BRCC3: variants seen among roughly 807,000 people sequenced by gnomAD.
BRCC3 encodes lys-63-specific deubiquitinase BRCC36.
In BRCC3, 15 loss-of-function variants were observed where a neutral mutation model predicts 28.0. The ratio of observed to expected loss-of-function variants is 0.54; its 90% CI spans 0.36 to 0.82. The LOEUF (loss-of-function observed/expected upper bound fraction) is 0.82, where lower values mean the gene tolerates loss of function less well. BRCC3 is among the 40% of genes least tolerant of loss of function. The probability of loss-of-function intolerance (pLI) is 0.01; values close to 1 mark genes in which losing one functional copy is unlikely to be tolerated. For synonymous variants in BRCC3, 66 were observed against 80.3 expected, an observed-to-expected ratio of 0.82 and a Z score of 0.95; for missense variants, 109 against 225.9, an observed-to-expected ratio of 0.48 and a Z score of 3.32.
Position 155,071,557 on chromosome X carries a change from G to A in BRCC3, c.30G>A (p.Gln10=), listed in dbSNP as rs782626159. The change falls in exon 1 of 11, where the codon CAG becomes CAA. Residue 10 remains glutamine, a synonymous_variant. Coordinates refer to ENST00000330045, the MANE Select transcript of BRCC3 (RefSeq NM_001018055.3). ...CGGTGCAGGTGGTGCAGGCGGTGCAGGCGGTTCATCTCGAGTCTGACGCTT... is the reference window on the plus strand; with the variant it reads ...CGGTGCAGGTGGTGCAGGCGGTGCAAGCGGTTCATCTCGAGTCTGACGCTT... MAVQVVQAV[Q]AVHLESDAFL... 1.0e-4 allele frequency: 124 copies of A among 1,204,101 alleles called. No homozygotes were observed. The highest frequency in any genetic ancestry group is 1.0e-4 in the Non-Finnish European group (91 of 890,826).
At chrX:155,092,300 A>G (rs182123376) in intron 7 of BRCC3, among the ~76,000 whole-genome samples, 356 of 111,620 alleles carry the variant, frequency 3.2e-3, no homozygotes, top group African/African-American at 0.011. Flanking sequence ...TATTTATTCT[A>G]TTAACAATTG....
intron 2 of BRCC3, 91 bp downstream of exon 2, chrX:155,072,434 C>G (rs782450758): frequency 1.4e-6 from 1 of 710,819 alleles, no homozygotes; most frequent in Non-Finnish European, 2.2e-6. Flanking sequence ...GTGTCCGGAT[C>G]GTGTCTTAAA....
At chrX:155,082,433 A>G (rs1311237955) in intron 5 of BRCC3, among the ~76,000 whole-genome samples, 1 of 112,350 alleles carries the variant, frequency 8.9e-6, no homozygotes, top group African/African-American at 3.2e-5. Context: ...GTGAGGTAGG[A>G]CAAGCACACA....
chrX:155,073,075 C>T (rs999005242), intron 2 of BRCC3, among the ~76,000 whole-genome samples: 9 of 111,803 alleles, frequency 8.0e-5, no homozygotes, highest in Non-Finnish European at 1.7e-4. Context: ...CTTTCGGTAA[C>T]ATTTTAATTT....
chrX:155,119,563 A>G (rs781975687), intron 9 of BRCC3, among the ~76,000 whole-genome samples: 9 of 112,418 alleles, frequency 8.0e-5, no homozygotes, highest in African/African-American at 2.6e-4. Flanking sequence ...TTTCTGCAAT[A>G]TACATAACAG....
At chrX:155,108,723 C>T (rs1226776808) in intron 7 of BRCC3, among the ~76,000 whole-genome samples, 1 of 111,418 alleles carries the variant, frequency 9.0e-6, no homozygotes, top group Non-Finnish European at 1.9e-5. Flanking sequence ...TTTTCTTTAA[C>T]TTTCTTAGTA....
intron 7 of BRCC3, among the ~76,000 whole-genome samples, chrX:155,096,501 G>A (rs782573332): frequency 1.8e-5 from 2 of 111,956 alleles, no homozygotes; most frequent in East Asian, 5.6e-4. Context: ...CAATAAACAC[G>A]TGAAAAATTG....
intron 7 of BRCC3, among the ~76,000 whole-genome samples, chrX:155,107,446 C>G (rs72616490): frequency 9.1e-6 from 1 of 110,482 alleles, no homozygotes; most frequent in East Asian, 2.8e-4. Context: ...AGCCCCAAAC[C>G]TGCAGCCCTT....
At chrX:155,088,971 CTCTT>C (rs781852375) in intron 5 of BRCC3, among the ~76,000 whole-genome samples, 5 of 112,107 alleles carry the variant, frequency 4.5e-5, no homozygotes, top group African/African-American at 1.6e-4. Flanking sequence ...TTTTTAATTT[CTCTT>C]TCTATTACCA....
Position 155,116,774 on chromosome X carries a change from T to C in BRCC3, c.724+20T>C, listed in dbSNP as rs1557298858. 5.4e-6 allele frequency: 6 copies of C among 1,119,693 alleles called. No homozygotes were observed. The highest frequency in any genetic ancestry group is 7.3e-6 in the Non-Finnish European group (6 of 825,032). The allele number at this position is 1,119,693 out of a possible 1,213,427, so 92.3% of individuals were successfully genotyped here. On this transcript the variant is annotated intron_variant, in intron 9 of 10. Transcript: ENST00000330045. ...GCTCAGGTAAGAATTGTTTCTTGAG[T>C]ACTCAGCATTTTTTCTGACTATTTC...
intron 4 of BRCC3, 103 bp downstream of exon 4, chrX:155,077,392 T>C: frequency 2.6e-6 from 2 of 765,823 alleles, no homozygotes; most frequent in Non-Finnish European, 3.5e-6. Flanking sequence ...ACAAGTTTTC[T>C]TCCCTTAGAT....
At chrX:155,103,574 G>A (rs782646829) in intron 7 of BRCC3, among the ~76,000 whole-genome samples, 256 of 112,098 alleles carry the variant, frequency 2.3e-3, no homozygotes, top group Non-Finnish European at 4.1e-3. Context: ...CTTCTTTTAA[G>A]ATTTTGTTTT....
chrX:155,078,696 A>G lies in BRCC3; in HGVS notation c.396A>G (p.Ser132=). 2.6e-6 allele frequency: 3 copies of G among 1,168,799 alleles called. No homozygotes were observed. Among genetic ancestry groups the G allele is most frequent in the Admixed American group, 4.6e-5 (2 of 43,947 alleles). Residue 132 remains serine, a synonymous_variant, in exon 5 of 11, where the codon TCA becomes TCG. Coordinates refer to ENST00000330045, the MANE Select transcript of BRCC3 (RefSeq NM_001018055.3). The part of the protein sequence containing the change: ...HSHPHITVWP[S]HVDVRTQAMY... Reference sequence around the variant, plus strand: ...ATCCTCATATAACTGTTTGGCCTTCACATGTTGGTAAGTATCATGGGGTTG... The same window carrying G: ...ATCCTCATATAACTGTTTGGCCTTCGCATGTTGGTAAGTATCATGGGGTTG...
chrX:155,110,165 T>A (rs1557297965), intron 7 of BRCC3, among the ~76,000 whole-genome samples: 1 of 111,749 alleles, frequency 8.9e-6, no homozygotes. Context: ...GATCCATAAT[T>A]TTCTTTTCTT....
intron 7 of BRCC3, 99 bp downstream of exon 7, chrX:155,090,938 C>A: frequency 3.3e-6 from 2 of 605,771 alleles, no homozygotes; most frequent in South Asian, 2.8e-5. Context: ...TGGTAAGACA[C>A]TAAGACACTG....
intron 5 of BRCC3, among the ~76,000 whole-genome samples, chrX:155,086,119 G>A (rs62619848): frequency 2.6e-3 from 289 of 111,163 alleles, no homozygotes; most frequent in Middle Eastern, 4.6e-3. Flanking sequence ...TGAACGTCCC[G>A]TCTGTGGTCA....
In BRCC3 at chrX:155,073,451, G is replaced by A; in HGVS notation, c.195+20G>A. ...GAAAAGGTATGTGTGCTAAAATTTTGCATGATGGAAACTTGCAGTTGGGGA... is the reference window on the plus strand; with the variant it reads ...GAAAAGGTATGTGTGCTAAAATTTTACATGATGGAAACTTGCAGTTGGGGA... On this transcript the variant is annotated intron_variant, in intron 3 of 10. Coordinates refer to ENST00000330045, the MANE Select transcript of BRCC3 (RefSeq NM_001018055.3). 1 of 1,162,952 alleles carries A rather than the reference G, an allele frequency of 8.6e-7. No homozygotes were observed. The highest frequency in any genetic ancestry group is 1.1e-6 in the Non-Finnish European group (1 of 870,835).
At chrX:155,115,623 T>G (rs1026907714) in intron 7 of BRCC3, among the ~76,000 whole-genome samples, 16 of 112,398 alleles carry the variant, frequency 1.4e-4, no homozygotes, top group African/African-American at 4.2e-4. Context: ...AACAAGTGAG[T>G]AATCCCACCT....
chrX:155,112,406 C>T lies in BRCC3; in HGVS notation c.549-3651C>T, dbSNP rs782758380. Among the ~76,000 whole-genome samples, 12 of 112,393 alleles carry T rather than the reference C, an allele frequency of 1.1e-4. No individual in the cohort carries two copies. In the South Asian group the frequency reaches 4.0e-3, roughly 38 times the overall value. On this transcript the variant is annotated intron_variant, in intron 7 of 10. Transcript: ENST00000330045. ...AGAGCAGGATGGCGTAAGATTTCAT[C>T]ATGCTACTCAGAAAGGTCTGCAACT...
Sources: gnomAD v4.1 joint callset for allele counts (sites outside exome capture counted in the v4.1 genomes callset) on GRCh38, gnomAD v4.1.1 for gene constraint, MANE v1.5 for transcripts, NCBI Gene and HGNC (gene_info 2026-07-23, HGNC 2026-07-21) for gene names.